ENDOD1: variants seen among roughly 807,000 people sequenced by gnomAD.
The protein encoded by ENDOD1 is endonuclease domain containing 1.
Under a neutral mutation model 6.5 loss-of-function variants are expected in ENDOD1, and 9 were observed. The observed-to-expected ratio is 1.39, with a 90% confidence interval of 0.84 to 2.43. ENDOD1 has a LOEUF of 2.43. Ranked by LOEUF, ENDOD1 falls within the 30% of genes most tolerant of loss-of-function variation. ENDOD1 has a pLI of 0.00. For missense variants in ENDOD1, 648 were observed against 635.5 expected (o/e 1.02, Z -0.21); for synonymous variants, 255 against 255.2 (o/e 1.00, Z 0.01).
intron 1 of ENDOD1, among the ~76,000 whole-genome samples, chr11:95,111,866 C>T (rs1859153948): frequency 6.6e-6 from 1 of 152,198 alleles, no homozygotes; most frequent in Admixed American, 6.5e-5. Flanking sequence ...TAGCCCCAGC[C>T]TCCCAGTGTT....
At chr11:95,106,444 A>G (rs617958) in intron 1 of ENDOD1, among the ~76,000 whole-genome samples, 150,258 of 152,272 alleles carry the variant, frequency 0.99, 74,135 homozygotes, top group East Asian at 1. Flanking sequence ...TGAGAGAAGA[A>G]GTTGGAGAAA....
intron 1 of ENDOD1, among the ~76,000 whole-genome samples, chr11:95,128,155 T>C (rs1859329776): frequency 6.6e-6 from 1 of 152,162 alleles, no homozygotes; most frequent in Non-Finnish European, 1.5e-5. Flanking sequence ...TAAACACAGG[T>C]AATAGACTAG....
At chr11:95,090,340 T>C in intron 1 of ENDOD1, 113 bp downstream of exon 1, 2 of 1,293,958 alleles carry the variant, frequency 1.5e-6, no homozygotes, top group South Asian at 2.0e-5. Context: ...TCCCTACGCC[T>C]TCGGTGCCTT....
chr11:95,111,251 C>T (rs654543), intron 1 of ENDOD1, among the ~76,000 whole-genome samples: 41,867 of 151,990 alleles, frequency 0.28, 6,048 homozygotes, highest in South Asian at 0.33. Flanking sequence ...TCCTGCTCCT[C>T]CAACCCATTG....
chr11:95,117,493 T>C lies in ENDOD1; in HGVS notation c.301-10884T>C, dbSNP rs145807067. 6.5e-3 allele frequency among the ~76,000 whole-genome samples: 995 copies of C among 152,348 alleles called. 28 individuals are homozygous for C. The East Asian group carries it at 0.091, about 14-fold the overall frequency. On this transcript the variant is annotated intron_variant, in intron 1 of 1. Coordinates refer to ENST00000278505, the MANE Select transcript of ENDOD1 (RefSeq NM_015036.3). ...AAAATTTTTATATCCTCTTGCTGAATTGACCCCTTTATCATTATATAATAA... is the reference window on the plus strand; with the variant it reads ...AAAATTTTTATATCCTCTTGCTGAACTGACCCCTTTATCATTATATAATAA...
chr11:95,128,554 C>T lies in ENDOD1; in HGVS notation c.478C>T (p.Leu160Phe). The T allele has an allele frequency of 6.2e-7, 1 of 1,614,254 alleles. No homozygotes were observed. The highest frequency in any genetic ancestry group is 8.5e-7 in the Non-Finnish European group (1 of 1,180,036). ...SSDVQVATFT[L>F]TNSAPMTQSF... ...TGATGTCCAGGTGGCCACATTTACT[C>T]TCACAAATTCAGCCCCAATGACTCA... is the stretch of plus-strand genomic sequence containing the variant. The change falls in exon 2 of 2, where the codon CTC (leucine) becomes TTC (phenylalanine). Residue 160 changes from leucine to phenylalanine, a missense_variant. Physicochemically the swap from Leu to Phe is conservative, Grantham distance 22. Coordinates refer to ENST00000278505, the MANE Select transcript of ENDOD1 (RefSeq NM_015036.3).
intron 1 of ENDOD1, among the ~76,000 whole-genome samples, chr11:95,120,267 G>A (rs2134172567): frequency 6.6e-6 from 1 of 152,232 alleles, no homozygotes; most frequent in African/African-American, 2.4e-5. Flanking sequence ...CTGGTATTGT[G>A]CTGAATCTCA....
Position 95,093,634 on chromosome 11 carries a change from T to G in ENDOD1, c.300+3407T>G, listed in dbSNP as rs565333168. ...CATTCTTTTCCTAGTGCCCAGCTTA[T>G]AGAAAGCACGCGATAAGTGTTGAAT... On this transcript the variant is annotated intron_variant, in intron 1 of 1. Transcript: ENST00000278505. Among the ~76,000 whole-genome samples, 10 of 152,384 alleles carry G rather than the reference T, an allele frequency of 6.6e-5. No individual in the cohort carries two copies. The South Asian group carries it at 2.1e-3, about 32-fold the overall frequency.
In ENDOD1 at chr11:95,100,820, A is replaced by G. The variant is rs375884606; in HGVS notation, c.300+10593A>G. On this transcript the variant is annotated intron_variant, in intron 1 of 1. Coordinates refer to ENST00000278505, the MANE Select transcript of ENDOD1 (RefSeq NM_015036.3). ...CTACTTTTTTTTTTTTTCTTTTTAAAATGTCCATGTTCTCTCCTATCATAG... is the reference window on the plus strand; with the variant it reads ...CTACTTTTTTTTTTTTTCTTTTTAAGATGTCCATGTTCTCTCCTATCATAG... 9.7e-5 allele frequency among the ~76,000 whole-genome samples: 14 copies of G among 144,680 alleles called. 1 individual carries two copies. In the South Asian group the frequency reaches 1.8e-3, roughly 18 times the overall value. 94.9% of individuals were successfully genotyped at this position (144,680 alleles called of 152,430 possible).
intron 1 of ENDOD1, among the ~76,000 whole-genome samples, chr11:95,096,989 C>T (rs1429113089): frequency 6.6e-6 from 1 of 152,026 alleles, no homozygotes; most frequent in Non-Finnish European, 1.5e-5. Flanking sequence ...ATGGCAAAAA[C>T]CCATCTCTAC....
At chr11:95,101,470 A>T (rs1394680116) in intron 1 of ENDOD1, among the ~76,000 whole-genome samples, 1 of 152,188 alleles carries the variant, frequency 6.6e-6, no homozygotes, top group Non-Finnish European at 1.5e-5. Flanking sequence ...ACAGTTTTCA[A>T]CTAATCTTTT....
In ENDOD1 at chr11:95,090,082, A is replaced by G. The variant is rs1323155328; in HGVS notation, c.155A>G (p.His52Arg). The change falls in exon 1 of 2, where the codon CAC (histidine) becomes CGC (arginine). Residue 52 changes from histidine to arginine, a missense_variant. Physicochemically the swap from His to Arg is conservative, Grantham distance 29. Transcript: ENST00000278505. ...TPPAGLAADS[H>R]VKICQRAEGA... ...CCTGCGGGGCTGGCGGCCGATTCCC[A>G]CGTGAAGATCTGTCAGCGCGCGGAG... 1.2e-6 allele frequency: 2 copies of G among 1,601,166 alleles called. No individual in the cohort carries two copies. Among genetic ancestry groups the G allele is most frequent in the African/African-American group, 2.7e-5 (2 of 73,542 alleles).
chr11:95,126,133 A>T (rs1484725148), intron 1 of ENDOD1, among the ~76,000 whole-genome samples: 2 of 152,164 alleles, frequency 1.3e-5, no homozygotes, highest in Admixed American at 6.5e-5. Flanking sequence ...CAACCGATAG[A>T]TTACTCCATT....
In ENDOD1 at chr11:95,114,117, T is replaced by C. The variant is rs569429698; in HGVS notation, c.301-14260T>C. ...TCTTTTGCTCATTTTTTATGTTTCA[T>C]TGATTGATCAATTAACTGATTGATT... On this transcript the variant is annotated intron_variant, in intron 1 of 1. Coordinates refer to ENST00000278505, the MANE Select transcript of ENDOD1 (RefSeq NM_015036.3). Among the ~76,000 whole-genome samples the C allele has an allele frequency of 2.0e-5, 3 of 152,306 alleles. No homozygotes were observed. In the East Asian group the frequency reaches 5.8e-4, roughly 29 times the overall value.
intron 1 of ENDOD1, among the ~76,000 whole-genome samples, chr11:95,111,608 C>T (rs1555111950): frequency 6.6e-6 from 1 of 151,968 alleles, no homozygotes; most frequent in East Asian, 1.9e-4. Flanking sequence ...CTCACATGTG[C>T]AGTTCACAAT....
chr11:95,094,019 A>G (rs1044796546), intron 1 of ENDOD1, among the ~76,000 whole-genome samples: 1 of 152,076 alleles, frequency 6.6e-6, no homozygotes, highest in Non-Finnish European at 1.5e-5. Flanking sequence ...GAATTTTTAG[A>G]TAAGATGCCA....
At chr11:95,124,686 A>T (rs990224124) in intron 1 of ENDOD1, among the ~76,000 whole-genome samples, 1 of 152,206 alleles carries the variant, frequency 6.6e-6, no homozygotes, top group African/African-American at 2.4e-5. Context: ...CTTATTTGCC[A>T]TGTAAGTGTA....
intron 1 of ENDOD1, among the ~76,000 whole-genome samples, chr11:95,127,430 G>C (rs925521128): frequency 2.6e-5 from 4 of 152,178 alleles, no homozygotes; most frequent in African/African-American, 7.2e-5. Flanking sequence ...ATATTGGGGA[G>C]ATTAAGTTCA....
rs1200141222 is a variant in ENDOD1, at chr11:95,103,100, G to GGT, written c.300+12910_300+12911dup. On this transcript the variant is annotated intron_variant, in intron 1 of 1. Transcript: ENST00000278505. ...GGAAGCTAAGGAACTAGGCAGAGTG[G>GGT]GTGTGTGTGTGTGTGTGTGTGTGTG... 3.0e-3 allele frequency among the ~76,000 whole-genome samples: 258 copies of GGT among 85,608 alleles called. 2 individuals are homozygous for GGT. Among genetic ancestry groups the GGT allele is most frequent in the Admixed American group, 8.3e-3 (55 of 6,664 alleles). 56.2% of individuals were successfully genotyped at this position (85,608 alleles called of 152,430 possible).
Sources: gnomAD v4.1 joint callset for allele counts (sites outside exome capture counted in the v4.1 genomes callset) on GRCh38, gnomAD v4.1.1 for gene constraint, MANE v1.5 for transcripts, NCBI Gene and HGNC (gene_info 2026-07-23, HGNC 2026-07-21) for gene names.